Variants in PPP1R14D observed in about 807,000 individuals in gnomAD.
PPP1R14D encodes protein phosphatase 1 regulatory inhibitor subunit 14D.
PPP1R14D carries 14 observed loss-of-function variants against 17.1 expected under a neutral mutation model. That is an observed-to-expected ratio of 0.82 (90% CI 0.54 to 1.28). PPP1R14D has a LOEUF of 1.28. Ranked by LOEUF, PPP1R14D falls within the 50% of genes most tolerant of loss-of-function variation. The pLI, the probability that PPP1R14D is intolerant of heterozygous loss-of-function variation, is 0.00. For missense variants in PPP1R14D, 173 were observed against 179.2 expected, an observed-to-expected ratio of 0.97 and a Z score of 0.20; for synonymous variants, 67 against 66.1, an observed-to-expected ratio of 1.01 and a Z score of -0.06.
At chr15:40,828,319 T>C (rs760068124) in intron 1 of PPP1R14D, 68 bp downstream of exon 1, 11 of 1,507,824 alleles carry the variant, frequency 7.3e-6, no homozygotes, top group Non-Finnish European at 8.9e-6. Context: ...CCAGCTCCTG[T>C]GAAGGTCTCA....
At chr15:40,824,740 A>G (rs1037224216) in intron 1 of PPP1R14D, among the ~76,000 whole-genome samples, 2 of 152,188 alleles carry the variant, frequency 1.3e-5, no homozygotes, top group Admixed American at 6.6e-5. Flanking sequence ...AAATGTCACT[A>G]TATCAAAAAG....
At position 40,815,653 on chromosome 15, in the gene PPP1R14D, C is replaced by T; in HGVS notation, c.*43G>A. The T allele has an allele frequency of 3.1e-6, 5 of 1,602,968 alleles. No individual in the cohort carries two copies. Among genetic ancestry groups the T allele is most frequent in the Non-Finnish European group, 4.3e-6 (5 of 1,175,168 alleles). On this transcript the variant is annotated 3_prime_UTR_variant, in exon 4 of 4. Coordinates refer to ENST00000299174, the MANE Select transcript of PPP1R14D (RefSeq NM_017726.8). Reference sequence around the variant, plus strand: ...TTAGCCAGGATCTGGAGTTTCAGGGCAGGCCTGGCAGTGCTGAGGCTGCTA... The same window carrying T: ...TTAGCCAGGATCTGGAGTTTCAGGGTAGGCCTGGCAGTGCTGAGGCTGCTA...
At chr15:40,825,044 G>A (rs1890847042) in intron 1 of PPP1R14D, among the ~76,000 whole-genome samples, 1 of 152,132 alleles carries the variant, frequency 6.6e-6, no homozygotes, top group East Asian at 1.9e-4. Context: ...AGCACTTTGG[G>A]AGGCTGAGGC....
At chr15:40,816,110 G>T in intron 2 of PPP1R14D, 60 bp downstream of exon 2, 1 of 1,600,810 alleles carries the variant, frequency 6.2e-7, no homozygotes, top group Non-Finnish European at 8.6e-7. Context: ...ACCAAAGGAG[G>T]CAGAACCTGG....
intron 1 of PPP1R14D, among the ~76,000 whole-genome samples, chr15:40,827,225 T>C (rs1298525116): frequency 2.0e-5 from 3 of 152,204 alleles, no homozygotes; most frequent in Non-Finnish European, 4.4e-5. Context: ...GTGGCCCATG[T>C]TGGCTGGGTG....
At position 40,815,696 on chromosome 15, in the gene PPP1R14D, T is replaced by C; in HGVS notation, c.438A>G (p.Ter146=). 6.2e-7 allele frequency: 1 copy of C among 1,613,878 alleles called. No homozygotes were observed. Among genetic ancestry groups the C allele is most frequent in the South Asian group, 1.1e-5 (1 of 91,028 alleles). ...GGCTGCTAAAGATGGTCTCTCAGGCTTATTTCTGAGGCCGGCTGAGTCTCC... is the reference window on the plus strand; with the variant it reads ...GGCTGCTAAAGATGGTCTCTCAGGCCTATTTCTGAGGCCGGCTGAGTCTCC... ...KLRRLSRPQK[*] is the part of the protein sequence containing the mutation. The change falls in exon 4 of 4, where the codon TAA becomes TAG. Residue 146 remains the stop codon, a stop_retained_variant. Coordinates refer to ENST00000299174, the MANE Select transcript of PPP1R14D (RefSeq NM_017726.8).
At chr15:40,820,148 G>A (rs1245034417) in intron 1 of PPP1R14D, among the ~76,000 whole-genome samples, 1 of 150,944 alleles carries the variant, frequency 6.6e-6, no homozygotes, top group Admixed American at 6.6e-5. Flanking sequence ...TTACAGGCAT[G>A]AGCCACTGTG....
intron 1 of PPP1R14D, among the ~76,000 whole-genome samples, chr15:40,827,997 G>A (rs1223771612): frequency 1.3e-5 from 2 of 152,126 alleles, no homozygotes; most frequent in Non-Finnish European, 1.5e-5. Flanking sequence ...AAACGAAAAT[G>A]TAGCTCCGGA....
intron 1 of PPP1R14D, among the ~76,000 whole-genome samples, chr15:40,816,539 C>T (rs915590055): frequency 6.6e-6 from 1 of 151,690 alleles, no homozygotes; most frequent in Admixed American, 6.6e-5. Flanking sequence ...ATGGTGAAAT[C>T]CTGTCTCTAC....
intron 1 of PPP1R14D, among the ~76,000 whole-genome samples, chr15:40,822,599 G>A (rs990795245): frequency 6.6e-5 from 10 of 151,820 alleles, no homozygotes; most frequent in Admixed American, 4.6e-4. Context: ...GATTACGGGT[G>A]CCTACCACGT....
chr15:40,816,380 C>T, intron 1 of PPP1R14D, 127 bp from the exon 2 acceptor site: 1 of 751,244 alleles, frequency 1.3e-6, no homozygotes. Context: ...ACTCAGAACA[C>T]CCATTCAGTT....
intron 1 of PPP1R14D, among the ~76,000 whole-genome samples, chr15:40,820,956 A>G (rs1193308802): frequency 2.0e-5 from 3 of 151,544 alleles, no homozygotes; most frequent in Non-Finnish European, 2.9e-5. Context: ...GGGGGTTAAG[A>G]CAGGAGAGTG....
intron 1 of PPP1R14D, among the ~76,000 whole-genome samples, chr15:40,820,188 T>C (rs1890750220): frequency 6.9e-6 from 1 of 144,860 alleles, no homozygotes; most frequent in Non-Finnish European, 1.5e-5. Flanking sequence ...TGACAGGGTC[T>C]CGCTCTGTCA....
intron 1 of PPP1R14D, 143 bp downstream of exon 1, chr15:40,828,244 C>T (rs998398754): frequency 6.9e-5 from 80 of 1,160,688 alleles, no homozygotes; most frequent in African/African-American, 9.2e-5. Context: ...GACTTCAAAC[C>T]GATGCTTCTT....
intron 1 of PPP1R14D, among the ~76,000 whole-genome samples, chr15:40,822,965 A>AT (rs35437867): frequency 0.66 from 81,218 of 123,542 alleles, 27,273 homozygotes; most frequent in East Asian, 0.84. Flanking sequence ...CATCCGGCTA[A>AT]TTTTTTTTTT....
intron 1 of PPP1R14D, among the ~76,000 whole-genome samples, chr15:40,820,339 A>C (rs1215429226): frequency 6.7e-5 from 10 of 150,278 alleles, no homozygotes; most frequent in Admixed American, 6.6e-4. Context: ...TTGTATTTTT[A>C]GTAGAGATGG....
At chr15:40,825,910 C>T (rs1317512548) in intron 1 of PPP1R14D, among the ~76,000 whole-genome samples, 3 of 152,208 alleles carry the variant, frequency 2.0e-5, no homozygotes, top group African/African-American at 7.2e-5. Context: ...TATTACTGTA[C>T]AGCCTCCAGC....
rs1405105370 is a variant in PPP1R14D, at chr15:40,816,212, A to C, written c.297T>G (p.Ala99=). ...TPSEPEIDLE[A]LMDLSTEEQK... is the part of the protein sequence containing the mutation. ...GCTCCTCTGTGGATAGATCCATGAG[A>C]GCTTCCAGGTCAATCTCAGGCTCAG... The change falls in exon 2 of 4, where the codon GCT becomes GCG. Residue 99 remains alanine, a synonymous_variant. Transcript: ENST00000299174. 6.2e-7 allele frequency: 1 copy of C among 1,614,074 alleles called. No individual in the cohort carries two copies. Among genetic ancestry groups the C allele is most frequent in the South Asian group, 1.1e-5 (1 of 91,076 alleles).
chr15:40,822,579 G>A (rs1488849647), intron 1 of PPP1R14D, among the ~76,000 whole-genome samples: 1 of 150,644 alleles, frequency 6.6e-6, no homozygotes, highest in Non-Finnish European at 1.5e-5. Flanking sequence ...TCAGCCTCCC[G>A]AGATGCTGGG....
Sources: gnomAD v4.1 joint callset for allele counts (sites outside exome capture counted in the v4.1 genomes callset) on GRCh38, gnomAD v4.1.1 for gene constraint, MANE v1.5 for transcripts, NCBI Gene and HGNC (gene_info 2026-07-23, HGNC 2026-07-21) for gene names.